Variants in SV2B observed in about 807,000 individuals in gnomAD.
The protein encoded by SV2B is synaptic vesicle glycoprotein 2B.
Under a neutral mutation model 73.9 loss-of-function variants are expected in SV2B, and 41 were observed. That is an observed-to-expected ratio of 0.56 (90% confidence interval 0.43 to 0.72). SV2B has a LOEUF of 0.72. Among genes scored for constraint, SV2B ranks in the 30% least tolerant of loss-of-function variants. SV2B has a pLI of 0.00. For missense variants in SV2B, 764 were observed against 857.8 expected, an observed-to-expected ratio of 0.89 and a Z score of 1.37; for synonymous variants, 314 against 314.2, an observed-to-expected ratio of 1.00 and a Z score of 0.01.
chr15:91,112,552 G>A (rs894847291), intron 1 of SV2B, among the ~76,000 whole-genome samples: 5 of 152,204 alleles, frequency 3.3e-5, no homozygotes, highest in African/African-American at 1.2e-4. Context: ...AAAACAAATG[G>A]AGTGGAAAGT....
intron 2 of SV2B, among the ~76,000 whole-genome samples, chr15:91,249,008 A>T (rs2047367137): frequency 6.6e-6 from 1 of 151,894 alleles, no homozygotes; most frequent in South Asian, 2.1e-4. Flanking sequence ...ATACACATAC[A>T]TGCAAACACC....
intron 2 of SV2B, among the ~76,000 whole-genome samples, chr15:91,246,818 A>T (rs2047252785): frequency 6.6e-6 from 1 of 151,950 alleles, no homozygotes; most frequent in African/African-American, 2.4e-5. Flanking sequence ...AAATCTCAGT[A>T]TATTAAGGGA....
chr15:91,108,906 G>C (rs2041962785), intron 1 of SV2B, among the ~76,000 whole-genome samples: 1 of 152,208 alleles, frequency 6.6e-6, no homozygotes, highest in Admixed American at 6.5e-5. Flanking sequence ...GTCCCGTTAA[G>C]TCTTCCTGTT....
chr15:91,300,826 T>C lies in SV2B; in HGVS notation c.*8274T>C, dbSNP rs1011611779. ...GGTGGTTCCTAAGAGCAAAGTCAGT[T>C]AATACAATTTCTCCAGGTATCCAGC... On this transcript the variant is annotated 3_prime_UTR_variant, in exon 13 of 13. Transcript: ENST00000394232. 2.0e-5 allele frequency: 3 copies of C among 152,210 alleles called. No homozygotes were observed. The highest frequency in any genetic ancestry group is 4.4e-5 in the Non-Finnish European group (3 of 68,058). The allele number at this position is 152,210 out of a possible 1,614,324, so 9.4% of individuals were successfully genotyped here. A position where few individuals can be genotyped will look rare whatever the true frequency, so the allele number is the denominator to read the frequency against.
chr15:91,198,854 G>A (rs2285531), intron 1 of SV2B, among the ~76,000 whole-genome samples: 51,047 of 152,162 alleles, frequency 0.34, 9,399 homozygotes, highest in East Asian at 0.73. Context: ...GGGCAGGGCC[G>A]TAAACAACAG....
chr15:91,164,913 C>A (rs1220316634), intron 1 of SV2B, among the ~76,000 whole-genome samples: 4 of 152,158 alleles, frequency 2.6e-5, no homozygotes, highest in Non-Finnish European at 4.4e-5. Context: ...GGGACTTGTA[C>A]TTTTCCTTAT....
chr15:91,271,671 T>C (rs868836658), intron 9 of SV2B, among the ~76,000 whole-genome samples: 1 of 152,086 alleles, frequency 6.6e-6, no homozygotes, highest in African/African-American at 2.4e-5. Context: ...ATAAAAAGGG[T>C]ATTTTTCTCC....
At chr15:91,222,059 A>G (rs1397116779) in intron 1 of SV2B, among the ~76,000 whole-genome samples, 1 of 152,156 alleles carries the variant, frequency 6.6e-6, no homozygotes, top group Non-Finnish European at 1.5e-5. Flanking sequence ...CTTGTCCTCC[A>G]GCCTGCAGTG....
intron 1 of SV2B, among the ~76,000 whole-genome samples, chr15:91,144,149 G>A (rs1035856648): frequency 2.0e-5 from 3 of 152,302 alleles, no homozygotes; most frequent in Admixed American, 2.0e-4. Flanking sequence ...CTTTGAAGAA[G>A]CCAGATAATG....
rs773247247 is a variant in SV2B at position 91,139,528 on chromosome 15, G to A, written c.-392+39165G>A. 2.0e-5 allele frequency among the ~76,000 whole-genome samples: 3 copies of A among 152,252 alleles called. No homozygotes were observed. Among genetic ancestry groups the A allele is most frequent in the Middle Eastern group, 3.4e-3 (1 of 294 alleles). On this transcript the variant is annotated intron_variant, in intron 1 of 12. Transcript: ENST00000394232. This position sits in a 1 kb window ranked among gnomAD's most constrained non-coding sequence, Gnocchi z 5.2. ...GAAAAGCAGGGTGAGGGCAAACACCGCTATCAATGCTGTAGTAAGGAGAGT... is the reference window on the plus strand; with the variant it reads ...GAAAAGCAGGGTGAGGGCAAACACCACTATCAATGCTGTAGTAAGGAGAGT...
intron 1 of SV2B, among the ~76,000 whole-genome samples, chr15:91,108,591 C>T (rs1377986310): frequency 3.9e-5 from 6 of 152,188 alleles, no homozygotes; most frequent in East Asian, 1.9e-4. Flanking sequence ...CTTGGTTGCT[C>T]CTCCCGGCCT....
intron 1 of SV2B, among the ~76,000 whole-genome samples, chr15:91,174,860 C>T (rs2044245135): frequency 6.6e-6 from 1 of 152,202 alleles, no homozygotes; most frequent in Non-Finnish European, 1.5e-5. Flanking sequence ...GGGACAGACA[C>T]TGAGCAGAGA....
chr15:91,287,834 A>G (rs1428951798), intron 11 of SV2B, among the ~76,000 whole-genome samples: 1 of 152,220 alleles, frequency 6.6e-6, no homozygotes, highest in Non-Finnish European at 1.5e-5. Flanking sequence ...AGACACTAGC[A>G]AAAGTGAGAA....
chr15:91,287,157 A>C (rs1228535331), intron 11 of SV2B, among the ~76,000 whole-genome samples: 2 of 152,156 alleles, frequency 1.3e-5, no homozygotes, highest in African/African-American at 4.8e-5. Flanking sequence ...CCACTTCCCA[A>C]AGTGGGCAGA....
intron 1 of SV2B, among the ~76,000 whole-genome samples, chr15:91,162,308 T>A (rs2043749541): frequency 6.6e-6 from 1 of 152,148 alleles, no homozygotes; most frequent in African/African-American, 2.4e-5. Flanking sequence ...TGTTGATGGG[T>A]TGTTTGACAA....
At position 91,226,438 on chromosome 15, in the gene SV2B, G is replaced by T. The variant is rs1306358609; in HGVS notation, c.175G>T (p.Val59Phe). The T allele has an allele frequency of 6.2e-7, 1 of 1,614,190 alleles. No homozygotes were observed. The highest frequency in any genetic ancestry group is 2.2e-5 in the East Asian group (1 of 44,874). Reference protein sequence around the residue: ...EYQGIPHPDDVKAKQAKMAPS... With the variant: ...EYQGIPHPDDFKAKQAKMAPS... Reference sequence around the variant, plus strand: ...CCAGGGTATCCCTCACCCAGATGATGTCAAGGCCAAGCAGGCCAAGATGGC... The same window carrying T: ...CCAGGGTATCCCTCACCCAGATGATTTCAAGGCCAAGCAGGCCAAGATGGC... Residue 59 changes from valine to phenylalanine, a missense_variant, in exon 2 of 13, where the codon GTC becomes TTC. Physicochemically the swap from Val to Phe is conservative, Grantham distance 50 (BLOSUM62 -1). Transcript: ENST00000394232.
Position 91,100,594 on chromosome 15 carries a change from C to T in SV2B, c.-392+231C>T, listed in dbSNP as rs181851225. On this transcript the variant is annotated intron_variant, in intron 1 of 12. Coordinates refer to ENST00000394232, the MANE Select transcript of SV2B (RefSeq NM_001323032.3). The surrounding 1 kb of genome is among the most constrained non-coding windows in gnomAD (Gnocchi z 6.4). ...GTGCGCTTCTTTGAAAGCGGCCTCCCCAAGGGCTGTTTTAAAACCCTGTTT... is the reference window on the plus strand; with the variant it reads ...GTGCGCTTCTTTGAAAGCGGCCTCCTCAAGGGCTGTTTTAAAACCCTGTTT... Among the ~76,000 whole-genome samples, 1 of 152,356 alleles carries T rather than the reference C, an allele frequency of 6.6e-6. No homozygotes were observed. The highest frequency in any genetic ancestry group is 6.5e-5 in the Admixed American group (1 of 15,306).
At chr15:91,211,681 T>G (rs1301699720) in intron 1 of SV2B, among the ~76,000 whole-genome samples, 4 of 152,058 alleles carry the variant, frequency 2.6e-5, no homozygotes, top group Non-Finnish European at 5.9e-5. Flanking sequence ...TTTTTGTATT[T>G]TTAGTAGAGA....
At chr15:91,102,978 G>T (rs2041777677) in intron 1 of SV2B, among the ~76,000 whole-genome samples, 1 of 152,198 alleles carries the variant, frequency 6.6e-6, no homozygotes, top group African/African-American at 2.4e-5. Flanking sequence ...CACGGAAGCT[G>T]CTGTTGAGTC....
Sources: allele counts gnomAD v4.1 joint callset (sites outside exome capture counted in the v4.1 genomes callset), GRCh38; gene constraint gnomAD v4.1.1; non-coding constraint Gnocchi (gnomAD v3.1); transcripts MANE v1.5; gene names NCBI Gene and HGNC (gene_info 2026-07-23, HGNC 2026-07-21).